WASF1: variants seen among roughly 807,000 people sequenced by gnomAD.
The protein encoded by WASF1 is WASP family member 1, also known as actin-binding protein WASF1.
WASF1 carries 7 observed loss-of-function variants against 50.5 expected under a neutral mutation model. That is an observed-to-expected ratio of 0.14 (90% CI 0.08 to 0.26). The LOEUF is 0.26. Among genes scored for constraint, WASF1 ranks in the 10% least tolerant of loss-of-function variants. WASF1 has a pLI of 1.00. For missense variants in WASF1, 470 were observed against 694.7 expected (o/e 0.68, Z 3.64); for synonymous variants, 205 against 244.0 (o/e 0.84, Z 1.49).
At chr6:110,174,613 C>T (rs1436686059) in intron 2 of WASF1, among the ~76,000 whole-genome samples, 1 of 152,152 alleles carries the variant, frequency 6.6e-6, no homozygotes, top group African/African-American at 2.4e-5. Flanking sequence ...ATTCAGTTAA[C>T]CTTTTTCTTC....
intron 5 of WASF1, among the ~76,000 whole-genome samples, chr6:110,112,518 GTTTTTGAAATGTTCA>G (rs977799181): frequency 7.9e-5 from 12 of 152,050 alleles, no homozygotes; most frequent in African/African-American, 2.7e-4. Context: ...CTGGCAATTT[GTTTTTGAAATGTTCA>G]TTTAAAGTAG....
At chr6:110,137,290 A>G (rs1357286268) in intron 3 of WASF1, among the ~76,000 whole-genome samples, 1 of 152,188 alleles carries the variant, frequency 6.6e-6, no homozygotes, top group African/African-American at 2.4e-5. Flanking sequence ...ATTCTGCCAT[A>G]CCACTGCAAT....
chr6:110,135,815 T>C (rs1301718956), intron 3 of WASF1, among the ~76,000 whole-genome samples: 1 of 150,134 alleles, frequency 6.7e-6, no homozygotes, highest in Admixed American at 6.6e-5. Context: ...AAGTGTAGTT[T>C]TGGTTTGTTA....
chr6:110,105,166 C>T lies in WASF1; in HGVS notation c.713+241G>A, dbSNP rs114252152. On this transcript the variant is annotated intron_variant, in intron 8 of 10. Transcript: ENST00000392589. The stretch of plus-strand genomic sequence containing the variant: ...GAGACGTCACACTAAAGCTAAAACC[C>T]TAAAGATCAGCCACTCCAACCACTT... Among the ~76,000 whole-genome samples, 566 of 152,218 alleles carry T rather than the reference C, an allele frequency of 3.7e-3. 3 individuals are homozygous for T. The highest frequency in any genetic ancestry group is 0.013 in the African/African-American group (548 of 41,540).
intron 4 of WASF1, among the ~76,000 whole-genome samples, chr6:110,123,848 A>G (rs761357896): frequency 2.0e-5 from 3 of 151,558 alleles, no homozygotes; most frequent in Non-Finnish European, 4.4e-5. Flanking sequence ...AGGTGTAGAT[A>G]CAGAGATGGA....
chr6:110,107,563 A>T (rs567323284), intron 6 of WASF1, among the ~76,000 whole-genome samples: 63 of 152,298 alleles, frequency 4.1e-4, no homozygotes, highest in Non-Finnish European at 1.3e-4. Flanking sequence ...AGAAGACAGA[A>T]ATTTTGCAGT....
chr6:110,164,956 C>T (rs766571017), intron 2 of WASF1, among the ~76,000 whole-genome samples: 8 of 151,622 alleles, frequency 5.3e-5, no homozygotes, highest in Non-Finnish European at 1.0e-4. Flanking sequence ...TGGCTACATA[C>T]TCTATGATTC....
At chr6:110,102,390 A>C (rs1583916763) in intron 9 of WASF1, among the ~76,000 whole-genome samples, 174 bp from the exon 10 acceptor site, 1 of 152,110 alleles carries the variant, frequency 6.6e-6, no homozygotes, top group Non-Finnish European at 1.5e-5. Flanking sequence ...AAGAACTAAA[A>C]GCACATCAAT....
chr6:110,159,729 A>G (rs1367695327), intron 3 of WASF1, among the ~76,000 whole-genome samples: 3 of 151,896 alleles, frequency 2.0e-5, no homozygotes, highest in Non-Finnish European at 2.9e-5. Context: ...CCAAGTTTAA[A>G]CATGAAATTC....
chr6:110,176,556 A>G (rs1049312645), intron 2 of WASF1, among the ~76,000 whole-genome samples: 1 of 152,082 alleles, frequency 6.6e-6, no homozygotes, highest in Non-Finnish European at 1.5e-5. Context: ...CATTTCATTA[A>G]TTATAATGTT....
At chr6:110,135,721 CTTTTTTTTTTTTT>C (rs139834112) in intron 3 of WASF1, among the ~76,000 whole-genome samples, 2 of 73,538 alleles carry the variant, frequency 2.7e-5, no homozygotes, top group East Asian at 9.8e-4. Flanking sequence ...GGAAGATTAT[CTTTTTTTTTTTTT>C]TTTTTTTTTT....
At chr6:110,175,576 T>C (rs772990633) in intron 2 of WASF1, among the ~76,000 whole-genome samples, 3 of 152,198 alleles carry the variant, frequency 2.0e-5, no homozygotes, top group Non-Finnish European at 4.4e-5. Context: ...AGAATTTTAT[T>C]TGTAGCTAAA....
chr6:110,120,259 T>C (rs1427246013), intron 4 of WASF1, among the ~76,000 whole-genome samples: 1 of 152,178 alleles, frequency 6.6e-6, no homozygotes, highest in African/African-American at 2.4e-5. Flanking sequence ...GTCTCTTGTT[T>C]TCAGATGACA....
Position 110,102,132 on chromosome 6 carries a change from A to T in WASF1, c.978T>A (p.Pro326=), listed in dbSNP as rs1227716504. 1.3e-6 allele frequency: 2 copies of T among 1,482,092 alleles called. No homozygotes were observed. Among genetic ancestry groups the T allele is most frequent in the Non-Finnish European group, 1.8e-6 (2 of 1,116,368 alleles). The allele number at this position is 1,482,092 out of a possible 1,614,324, so 91.8% of individuals were successfully genotyped here. The change falls in exon 10 of 11, where the codon CCT becomes CCA. Residue 326 remains proline (P), a synonymous_variant. Transcript: ENST00000392589. Reference sequence around the variant, plus strand: ...AGGCAGATGGAAGAGGTGGTGGAGGAGGTGGGGGAGTGGGGCTCACAAACA... The same window carrying T: ...AGGCAGATGGAAGAGGTGGTGGAGGTGGTGGGGGAGTGGGGCTCACAAACA... ...TPVFVSPTPP[P]PPPPLPSALS...
At chr6:110,155,320 G>A (rs1184201501) in intron 3 of WASF1, among the ~76,000 whole-genome samples, 1 of 151,976 alleles carries the variant, frequency 6.6e-6, no homozygotes, top group Non-Finnish European at 1.5e-5. Context: ...TAAAAAGGTA[G>A]ATTTGGTTAA....
intron 2 of WASF1, among the ~76,000 whole-genome samples, chr6:110,165,213 G>GATGAGTGA (rs2114610629): frequency 6.6e-6 from 1 of 151,690 alleles, no homozygotes; most frequent in Non-Finnish European, 1.5e-5. Context: ...ATCAACGTAA[G>GATGAGTGA]TTCATCAGTT....
intron 2 of WASF1, among the ~76,000 whole-genome samples, chr6:110,167,916 T>C (rs994619241): frequency 1.3e-5 from 2 of 152,026 alleles, no homozygotes; most frequent in African/African-American, 4.8e-5. Flanking sequence ...TTCTAGTCAC[T>C]GATTACATTG....
At chr6:110,131,071 C>T (rs987923511) in intron 3 of WASF1, among the ~76,000 whole-genome samples, 7 of 152,042 alleles carry the variant, frequency 4.6e-5, no homozygotes, top group Non-Finnish European at 8.8e-5. Context: ...TAGATATGAG[C>T]CATTTGAAGG....
chr6:110,127,614 CT>C lies in WASF1; in HGVS notation c.-14del, dbSNP rs781687497. On this transcript the variant is annotated 5_prime_UTR_variant, in exon 4 of 11. Transcript: ENST00000392589. ...TCACTAGCGGCATCTTGAGATTAAC[CT>C]TTGTGCCAGTTCACCTGTAGGAAAT... The C allele has an allele frequency of 2.6e-6, 4 of 1,522,602 alleles. No homozygotes were observed. The East Asian group carries it at 9.7e-5, about 37-fold the overall frequency. The allele number at this position is 1,522,602 out of a possible 1,614,324, so 94.3% of individuals were successfully genotyped here. A position where few individuals can be genotyped will look rare whatever the true frequency, so the allele number is the denominator to read the frequency against.
Sources: gnomAD v4.1 joint callset for allele counts (sites outside exome capture counted in the v4.1 genomes callset) on GRCh38, gnomAD v4.1.1 for gene constraint, MANE v1.5 for transcripts, NCBI Gene and HGNC (gene_info 2026-07-23, HGNC 2026-07-21) for gene names.